Variants in EXOC5 observed in about 807,000 individuals in gnomAD.
The protein encoded by EXOC5 is SEC10-like 1.
EXOC5 carries 17 observed loss-of-function variants against 90.8 expected under a neutral mutation model. That is an observed-to-expected ratio of 0.19 (90% CI 0.13 to 0.28). The LOEUF (loss-of-function observed/expected upper bound fraction) is 0.28. EXOC5 is among the 10% of genes least tolerant of loss of function. The probability of loss-of-function intolerance (pLI) is 1.00; values close to 1 mark genes in which losing one functional copy is unlikely to be tolerated. For missense variants in EXOC5, 569 were observed against 830.6 expected (o/e 0.69, Z 3.87); for synonymous variants, 260 against 270.0 (o/e 0.96, Z 0.36).
chr14:57,209,736 A>G lies in EXOC5; in HGVS notation c.1769T>C (p.Ile590Thr), dbSNP rs1246588113. The G allele has an allele frequency of 6.2e-7, 1 of 1,612,692 alleles. No homozygotes were observed. The highest frequency in any genetic ancestry group is 1.3e-5 in the African/African-American group (1 of 74,910). The part of the protein sequence containing the change: ...CAYVRKQVEK[I>T]KNSMDGKNVD... ...ATTCTTCCCATCCATGGAATTTTTA[A>G]TCTTCTCCACTTGTTTTCTTACGTA... Residue 590 changes from isoleucine to threonine, a missense_variant, in exon 17 of 18, where the codon ATT becomes ACT. Physicochemically the swap from Ile to Thr is moderately conservative, Grantham distance 89. This residue lies in a region of EXOC5 where 122 missense variants were observed against 180.0 expected (regional missense o/e 0.68). Coordinates refer to ENST00000621441, the MANE Select transcript of EXOC5 (RefSeq NM_006544.4).
chr14:57,224,346 C>T (rs542733506), intron 12 of EXOC5, among the ~76,000 whole-genome samples: 1 of 151,266 alleles, frequency 6.6e-6, no homozygotes, highest in Non-Finnish European at 1.5e-5. Flanking sequence ...CCAGATTGAT[C>T]AGAAAAAAAA....
chr14:57,246,515 C>G (rs532093964), intron 3 of EXOC5, among the ~76,000 whole-genome samples, 196 bp downstream of exon 3: 1 of 152,258 alleles, frequency 6.6e-6, no homozygotes, highest in Non-Finnish European at 1.5e-5. Context: ...GATCCTAAAC[C>G]AACACTCTGT....
At chr14:57,217,354 G>A (rs1049292833) in intron 15 of EXOC5, among the ~76,000 whole-genome samples, 13 of 152,094 alleles carry the variant, frequency 8.5e-5, no homozygotes, top group South Asian at 4.1e-4. Context: ...TTATGGCAAC[G>A]CAAGTCTATC....
intron 5 of EXOC5, among the ~76,000 whole-genome samples, chr14:57,237,834 A>G (rs895374014): frequency 6.6e-6 from 1 of 152,128 alleles, no homozygotes; most frequent in Non-Finnish European, 1.5e-5. Flanking sequence ...TATTCAAAAG[A>G]AAAAGATGAT....
At chr14:57,212,314 G>A (rs1882853062) in intron 15 of EXOC5, among the ~76,000 whole-genome samples, 1 of 152,234 alleles carries the variant, frequency 6.6e-6, no homozygotes, top group Non-Finnish European at 1.5e-5. Flanking sequence ...CTTCCCTGCA[G>A]TATGTGTAAG....
chr14:57,223,966 T>C (rs186172984), intron 12 of EXOC5, among the ~76,000 whole-genome samples: 82 of 152,228 alleles, frequency 5.4e-4, no homozygotes, highest in African/African-American at 1.9e-3. Flanking sequence ...TAAATCACGT[T>C]TGGGCCAGAA....
Position 57,234,045 on chromosome 14 carries a change from AAC to A in EXOC5, c.670-15_670-14del, listed in dbSNP as rs1883571437. On this transcript the variant is annotated splice_polypyrimidine_tract_variant and intron_variant, in intron 7 of 17. Coordinates refer to ENST00000621441, the MANE Select transcript of EXOC5 (RefSeq NM_006544.4). Reference sequence around the variant, plus strand: ...AATGGGAATAACCCTACAAGGAAGAAACACATTGTTATTATTCTGATTCAATT... The same window carrying A: ...AATGGGAATAACCCTACAAGGAAGAAACATTGTTATTATTCTGATTCAATT... 1.3e-6 allele frequency: 2 copies of A among 1,550,388 alleles called. No homozygotes were observed. The highest frequency in any genetic ancestry group is 1.8e-6 in the Non-Finnish European group (2 of 1,123,920).
rs529450798 is a variant in EXOC5, at chr14:57,244,226, T to G, written c.404A>C (p.Lys135Thr). Reference protein sequence around the residue: ...QRAVEAQKLMKYFNEFLDGEL... With the variant: ...QRAVEAQKLMTYFNEFLDGEL... ...TCCATCTAGAAACTCATTAAAGTAT[T>G]TCATCAATTTCTGAGCCTCCACTGC... The change falls in exon 4 of 18, where the codon AAA becomes ACA. Residue 135 changes from lysine to threonine, a missense_variant. By Grantham distance (78) the Lys-to-Thr change is moderately conservative. Around this residue, in one of 9 missense-constraint regions of EXOC5, gnomAD observed 97 missense variants for 177.9 expected, o/e 0.55. Coordinates refer to ENST00000621441, the MANE Select transcript of EXOC5 (RefSeq NM_006544.4). The G allele has an allele frequency of 5.0e-6, 8 of 1,613,798 alleles. No homozygotes were observed. Among genetic ancestry groups the G allele is most frequent in the Non-Finnish European group, 6.8e-6 (8 of 1,179,730 alleles).
intron 15 of EXOC5, among the ~76,000 whole-genome samples, chr14:57,214,662 G>A (rs1010996445): frequency 2.0e-5 from 3 of 152,174 alleles, no homozygotes; most frequent in African/African-American, 7.2e-5. Context: ...CTCCAACAGT[G>A]AGGAGTCAAC....
In EXOC5 at chr14:57,205,908, G is replaced by T. The variant is rs1387061797; in HGVS notation, c.*2701C>A. On this transcript the variant is annotated 3_prime_UTR_variant, in exon 18 of 18. Transcript: ENST00000621441. Reference sequence around the variant, plus strand: ...CCAAAAATTGTCCTGGAATGGTCAGGTGGTCATCCATCTAAAGATCCATCC... The same window carrying T: ...CCAAAAATTGTCCTGGAATGGTCAGTTGGTCATCCATCTAAAGATCCATCC... 5 of 441,550 alleles carry T rather than the reference G, an allele frequency of 1.1e-5. No homozygotes were observed. The highest frequency in any genetic ancestry group is 1.0e-4 in the African/African-American group (5 of 49,674). 27.4% of individuals were successfully genotyped at this position (441,550 alleles called of 1,614,324 possible). A position where few individuals can be genotyped will look rare whatever the true frequency, so the allele number is the denominator to read the frequency against.
intron 15 of EXOC5, chr14:57,211,624 G>A (rs1424140507): frequency 6.6e-6 from 1 of 152,328 alleles, no homozygotes; most frequent in Non-Finnish European, 1.5e-5. Context: ...GTTCAAGAAA[G>A]TGTTCTAAGA....
At position 57,222,338 on chromosome 14, in the gene EXOC5, T is replaced by C; in HGVS notation, c.1375A>G (p.Ile459Val). ...AGTCCTGTTTCCAAAGCATAATCAA[T>C]ATGCTCAATACATAAAAATTCCACA... ...ILVEFLCIEH[I>V]DYALETGLAG... Residue 459 changes from isoleucine (I) to valine (V), a missense_variant, in exon 13 of 18, where the codon ATT (isoleucine) becomes GTT (valine). By Grantham distance (29) the Ile-to-Val change is conservative. Transcript: ENST00000621441. 1.3e-6 allele frequency: 2 copies of C among 1,580,356 alleles called. No homozygotes were observed. The highest frequency in any genetic ancestry group is 8.6e-7 in the Non-Finnish European group (1 of 1,156,432).
rs1182422990 is a variant in EXOC5, at chr14:57,205,191, T to G, written c.*3418A>C. 1 of 152,080 alleles carries G rather than the reference T, an allele frequency of 6.6e-6. No homozygotes were observed. Among genetic ancestry groups the G allele is most frequent in the Non-Finnish European group, 1.5e-5 (1 of 67,956 alleles). The allele number at this position is 152,080 out of a possible 1,614,324, so 9.4% of individuals were successfully genotyped here. ...CAATACATGTAACTATAATTATCTT[T>G]ATTATGCAGCAAAATTTTTTAAATT... is the stretch of plus-strand genomic sequence containing the variant. On this transcript the variant is annotated 3_prime_UTR_variant, in exon 18 of 18. Coordinates refer to ENST00000621441, the MANE Select transcript of EXOC5 (RefSeq NM_006544.4).
intron 1 of EXOC5, among the ~76,000 whole-genome samples, chr14:57,264,941 C>A (rs1246778931): frequency 6.6e-6 from 1 of 151,984 alleles, no homozygotes; most frequent in Non-Finnish European, 1.5e-5. Context: ...AAAATATGTA[C>A]CTTGTAATTC....
intron 15 of EXOC5, among the ~76,000 whole-genome samples, chr14:57,216,125 C>T (rs767168865): frequency 6.6e-6 from 1 of 152,042 alleles, no homozygotes; most frequent in East Asian, 1.9e-4. Flanking sequence ...AAGACTTATA[C>T]ACTGAAAACC....
Position 57,222,370 on chromosome 14 carries a change from G to C in EXOC5, c.1343C>G (p.Thr448Ser). 6.2e-7 allele frequency: 1 copy of C among 1,602,094 alleles called. No homozygotes were observed. Among genetic ancestry groups the C allele is most frequent in the Non-Finnish European group, 8.5e-7 (1 of 1,172,994 alleles). ...DLPRNAFRIF[T>S]ILVEFLCIEH... is the part of the protein sequence containing the mutation. ...AATACATAAAAATTCCACAAGAATG[G>C]TAAAAATTCTGAAGGCATTCCTTGG... The change falls in exon 13 of 18, where the codon ACC (threonine) becomes AGC (serine). Residue 448 changes from threonine (T) to serine (S), a missense_variant. Physicochemically the swap from Thr to Ser is moderately conservative, Grantham distance 58 (BLOSUM62 1). This residue lies in a region of EXOC5 where 56 missense variants were observed against 51.1 expected (regional missense o/e 1.10). Coordinates refer to ENST00000621441, the MANE Select transcript of EXOC5 (RefSeq NM_006544.4).
In EXOC5 at chr14:57,202,984, T is replaced by G. The variant is rs1367289628; in HGVS notation, c.*5625A>C. ...TAAAATATTTTCACATAACTTCATG[T>G]GAATCCCCCATGTTATCCTCTAAAT... is the stretch of plus-strand genomic sequence containing the variant. On this transcript the variant is annotated 3_prime_UTR_variant, in exon 18 of 18. Coordinates refer to ENST00000621441, the MANE Select transcript of EXOC5 (RefSeq NM_006544.4). 1 of 152,228 alleles carries G rather than the reference T, an allele frequency of 6.6e-6. No homozygotes were observed. Among genetic ancestry groups the G allele is most frequent in the Admixed American group, 6.5e-5 (1 of 15,280 alleles). 9.4% of individuals were successfully genotyped at this position (152,228 alleles called of 1,614,324 possible). A position where few individuals can be genotyped will look rare whatever the true frequency, so the allele number is the denominator to read the frequency against.
At chr14:57,262,767 A>AT (rs1884555233) in intron 1 of EXOC5, among the ~76,000 whole-genome samples, 1 of 150,264 alleles carries the variant, frequency 6.7e-6, no homozygotes, top group African/African-American at 2.4e-5. Flanking sequence ...ATACTTAATG[A>AT]ATATATTATT....
intron 12 of EXOC5, among the ~76,000 whole-genome samples, chr14:57,224,730 C>T (rs1466899471): frequency 6.6e-6 from 1 of 152,044 alleles, no homozygotes; most frequent in Non-Finnish European, 1.5e-5. Flanking sequence ...TCCTATGAGG[C>T]CAACATTACC....
Sources: allele counts gnomAD v4.1 joint callset (sites outside exome capture counted in the v4.1 genomes callset), GRCh38; gene constraint gnomAD v4.1.1; regional missense constraint gnomAD v4.1.1; transcripts MANE v1.5; gene names NCBI Gene and HGNC (gene_info 2026-07-23, HGNC 2026-07-21).